The following ZIM2 variants were observed in gnomAD, a reference collection of about 807,000 sequenced individuals.
The protein encoded by ZIM2 is zinc finger imprinted 2, also known as zinc finger protein 656.
Under a neutral mutation model 38.6 loss-of-function variants are expected in ZIM2, and 14 were observed. The ratio of observed to expected loss-of-function variants is 0.36; its 90% CI spans 0.24 to 0.57. The LOEUF is 0.57. ZIM2 is among the 20% of genes least tolerant of loss of function. The probability of loss-of-function intolerance (pLI) is 0.81; values close to 1 mark genes in which losing one functional copy is unlikely to be tolerated. For missense variants in ZIM2, 680 were observed against 695.1 expected, an observed-to-expected ratio of 0.98 and a Z score of 0.24; for synonymous variants, 247 against 245.8, an observed-to-expected ratio of 1.00 and a Z score of -0.04.
intron 2 of ZIM2, among the ~76,000 whole-genome samples, chr19:56,834,478 T>C (rs540908455): frequency 2.4e-4 from 36 of 152,296 alleles, no homozygotes; most frequent in African/African-American, 4.3e-4. Flanking sequence ...GGGAGAGAAT[T>C]TGCTGATCAT....
rs752160966 is a variant in ZIM2, at chr19:56,824,269, T to A, written c.9A>T (p.Gln3His). MY[Q>H]PEDDNNSDVT... Reference sequence around the variant, plus strand: ...CCCCGTGGAGACTCTCACCTTCTGGTTGGTACATCTCCTTGTAATTCTCCA... The same window carrying A: ...CCCCGTGGAGACTCTCACCTTCTGGATGGTACATCTCCTTGTAATTCTCCA... Residue 3 changes from glutamine (Q) to histidine (H), a missense_variant, in exon 4 of 13, where the codon CAA (glutamine) becomes CAT (histidine). Gln to His is a conservative substitution (Grantham distance 24). Coordinates refer to ENST00000629319, the MANE Select transcript of ZIM2 (RefSeq NM_001387356.1). The A allele has an allele frequency of 6.2e-7, 1 of 1,613,400 alleles. No homozygotes were observed. Among genetic ancestry groups the A allele is most frequent in the Admixed American group, 1.7e-5 (1 of 60,004 alleles).
At chr19:56,824,505 T>G in intron 3 of ZIM2, 78 bp from the exon 4 acceptor site, 13 of 1,614,076 alleles carry the variant, frequency 8.1e-6, no homozygotes, top group Non-Finnish European at 1.1e-5. Flanking sequence ...TAGATTAGGT[T>G]CCGAAACCTC....
rs565963894 is a variant in ZIM2, at chr19:56,797,698, G to T, written c.491-7747C>A. On this transcript the variant is annotated intron_variant, in intron 9 of 12. Transcript: ENST00000629319. ...GAGGCCCTAAAAACAAGGTGGCCTT[G>T]GCTGCTCTACCAAAAGGAGGATGAT... Among the ~76,000 whole-genome samples, 3 of 152,162 alleles carry T rather than the reference G, an allele frequency of 2.0e-5. No homozygotes were observed. The East Asian group carries it at 5.8e-4, about 30-fold the overall frequency.
At chr19:56,824,676 C>A in intron 3 of ZIM2, 1 of 1,581,562 alleles carries the variant, frequency 6.3e-7, no homozygotes, top group Admixed American at 1.8e-5. Context: ...AAAATTTTCA[C>A]TGGAGGAACC....
intron 6 of ZIM2, among the ~76,000 whole-genome samples, chr19:56,822,253 A>C (rs2060567226): frequency 6.6e-6 from 1 of 152,186 alleles, no homozygotes; most frequent in African/African-American, 2.4e-5. Context: ...GTCCAGGAAG[A>C]AGAGGAAATG....
chr19:56,830,279 T>C (rs117895878), intron 2 of ZIM2, among the ~76,000 whole-genome samples: 6,651 of 152,330 alleles, frequency 0.044, 216 homozygotes, highest in Non-Finnish European at 0.07. Flanking sequence ...GCCCATGATC[T>C]TGAAAGGCTA....
At chr19:56,827,626 ATTCTAC>A (rs1230003951) in intron 2 of ZIM2, among the ~76,000 whole-genome samples, 3 of 152,196 alleles carry the variant, frequency 2.0e-5, no homozygotes, top group African/African-American at 7.2e-5. Context: ...TCTCCTACAA[ATTCTAC>A]TTCTATGAAT....
intron 9 of ZIM2, chr19:56,798,691 A>G (rs2047347936): frequency 6.6e-6 from 1 of 152,200 alleles, no homozygotes; most frequent in African/African-American, 2.4e-5. Context: ...AGCATGGGAG[A>G]AAATTTTTGC....
intron 9 of ZIM2, among the ~76,000 whole-genome samples, chr19:56,803,639 AGAT>A (rs1392226486): frequency 6.6e-6 from 1 of 152,228 alleles, no homozygotes; most frequent in Non-Finnish European, 1.5e-5. Context: ...CATCATTTTA[AGAT>A]TATTGGAAGC....
At chr19:56,782,686 A>C (rs1193844551) in intron 10 of ZIM2, among the ~76,000 whole-genome samples, 1 of 152,152 alleles carries the variant, frequency 6.6e-6, no homozygotes, top group Non-Finnish European at 1.5e-5. Flanking sequence ...TAAATTAGAA[A>C]ATCACTTTTG....
intron 1 of ZIM2, among the ~76,000 whole-genome samples, chr19:56,838,527 C>A (rs1451897047): frequency 1.3e-5 from 2 of 152,202 alleles, no homozygotes; most frequent in Admixed American, 6.5e-5. Context: ...AAGCCGCCCC[C>A]ATACACAAGA....
At chr19:56,822,542 T>C in intron 6 of ZIM2, 1 of 534,892 alleles carries the variant, frequency 1.9e-6, no homozygotes. Context: ...GAGCAAATAG[T>C]TTAGGTGGCA....
chr19:56,800,194 A>G (rs891049204), intron 9 of ZIM2, among the ~76,000 whole-genome samples: 3 of 152,154 alleles, frequency 2.0e-5, no homozygotes, highest in Non-Finnish European at 4.4e-5. Context: ...ATTTGACCTC[A>G]CAATAGAAAA....
In ZIM2 at chr19:56,779,356, G is replaced by C. The variant is rs1203032407; in HGVS notation, c.835+21C>G. On this transcript the variant is annotated intron_variant, in intron 12 of 12. Coordinates refer to ENST00000629319, the MANE Select transcript of ZIM2 (RefSeq NM_001387356.1). Reference sequence around the variant, plus strand: ...TACTGGTTCCCCCTCCTACACCCCGGGCTTCCCCCTCACTACTCACCTTGA... The same window carrying C: ...TACTGGTTCCCCCTCCTACACCCCGCGCTTCCCCCTCACTACTCACCTTGA... 3 of 1,611,798 alleles carry C rather than the reference G, an allele frequency of 1.9e-6. No individual in the cohort carries two copies. The South Asian group carries it at 3.3e-5, about 18-fold the overall frequency.
chr19:56,814,708 C>T lies in ZIM2; in HGVS notation c.490+3038G>A, dbSNP rs963417636. On this transcript the variant is annotated intron_variant, in intron 9 of 12. Coordinates refer to ENST00000629319, the MANE Select transcript of ZIM2 (RefSeq NM_001387356.1). This position sits in a 1 kb window ranked among gnomAD's most constrained non-coding sequence, Gnocchi z 5.8. ...CAGTAAATCATCTTCCCTATGAAGTCTCATATGCTCATTAAGGGCAGAGCT... is the reference window on the plus strand; with the variant it reads ...CAGTAAATCATCTTCCCTATGAAGTTTCATATGCTCATTAAGGGCAGAGCT... 6.2e-7 allele frequency: 1 copy of T among 1,613,908 alleles called. No homozygotes were observed. Among genetic ancestry groups the T allele is most frequent in the Admixed American group, 1.7e-5 (1 of 59,998 alleles).
chr19:56,804,643 T>C (rs2047673740), intron 9 of ZIM2, among the ~76,000 whole-genome samples: 3 of 152,220 alleles, frequency 2.0e-5, no homozygotes. Flanking sequence ...AAAGCTTCAC[T>C]AACTTGTCCC....
At chr19:56,838,194 A>C (rs2062417174) in intron 1 of ZIM2, among the ~76,000 whole-genome samples, 1 of 152,182 alleles carries the variant, frequency 6.6e-6, no homozygotes, top group African/African-American at 2.4e-5. Context: ...CATTCAAACC[A>C]GTGCCTGTGT....
rs377656551 is a variant in ZIM2 at position 56,824,248 on chromosome 19, G to A, written c.16+14C>T. 36 of 1,611,352 alleles carry A rather than the reference G, an allele frequency of 2.2e-5. 1 individual carries two copies. Among genetic ancestry groups the A allele is most frequent in the Middle Eastern group, 1.8e-4 (1 of 5,606 alleles). ...GGCCTGCACTGACCACCAACACCCCGTGGAGACTCTCACCTTCTGGTTGGT... is the reference window on the plus strand; with the variant it reads ...GGCCTGCACTGACCACCAACACCCCATGGAGACTCTCACCTTCTGGTTGGT... On this transcript the variant is annotated intron_variant, in intron 4 of 12. Coordinates refer to ENST00000629319, the MANE Select transcript of ZIM2 (RefSeq NM_001387356.1).
At chr19:56,831,839 T>A (rs189549324) in intron 2 of ZIM2, among the ~76,000 whole-genome samples, 19 of 152,244 alleles carry the variant, frequency 1.2e-4, no homozygotes, top group Non-Finnish European at 2.2e-4. Flanking sequence ...TCTATACTTA[T>A]GTTGTTCTTA....
Sources: allele counts gnomAD v4.1 joint callset (sites outside exome capture counted in the v4.1 genomes callset), GRCh38; gene constraint gnomAD v4.1.1; non-coding constraint Gnocchi (gnomAD v3.1); transcripts MANE v1.5; gene names NCBI Gene and HGNC (gene_info 2026-07-23, HGNC 2026-07-21).